CUL4A: variants seen among roughly 807,000 people sequenced by gnomAD.
CUL4A encodes the protein cullin 4A, also known as cullin-4A.
A neutral mutation model predicts 95.5 loss-of-function variants in CUL4A; 16 were observed. The observed-to-expected ratio is 0.17, with a 90% CI of 0.11 to 0.25. The LOEUF is 0.25. Ranked by LOEUF, CUL4A falls within the 10% of genes least tolerant of loss-of-function variation. The pLI is 1.00. For missense variants in CUL4A, 610 were observed against 937.0 expected, an observed-to-expected ratio of 0.65 and a Z score of 4.56; for synonymous variants, 380 against 353.1, an observed-to-expected ratio of 1.08 and a Z score of -0.85.
chr13:113,209,559 C>T (rs2040259401), upstream of CUL4A: 5 of 878,064 alleles, frequency 5.7e-6, no homozygotes, highest in East Asian at 1.4e-4. Flanking sequence ...CCGCGCGGAC[C>T]GGGGCGGGCG....
At chr13:113,242,522 G>T (rs957073037) in intron 10 of CUL4A, among the ~76,000 whole-genome samples, 1 of 152,164 alleles carries the variant, frequency 6.6e-6, no homozygotes, top group African/African-American at 2.4e-5. Context: ...AAGCACAGGG[G>T]CTCATGCCTG....
chr13:113,234,357 G>T (rs563036159), intron 7 of CUL4A, among the ~76,000 whole-genome samples: 1 of 151,960 alleles, frequency 6.6e-6, no homozygotes, highest in Non-Finnish European at 1.5e-5. Context: ...CCCAAAAAAA[G>T]CTGTGCGAAA....
At chr13:113,226,827 C>G (rs929909220) in intron 3 of CUL4A, among the ~76,000 whole-genome samples, 12 of 152,140 alleles carry the variant, frequency 7.9e-5, no homozygotes, top group African/African-American at 2.9e-4. Flanking sequence ...TCAAGACCAG[C>G]CTAGGAGTAT....
At chr13:113,233,030 T>A (rs1042722984) in intron 5 of CUL4A, 147 bp from the exon 6 acceptor site, 18 of 834,288 alleles carry the variant, frequency 2.2e-5, no homozygotes, top group Non-Finnish European at 3.1e-5. Context: ...GAAACAGAAG[T>A]TTTTAAAAGG....
At chr13:113,215,933 T>C (rs1481890921) in intron 2 of CUL4A, among the ~76,000 whole-genome samples, 1 of 150,794 alleles carries the variant, frequency 6.6e-6, no homozygotes, top group East Asian at 2.0e-4. Context: ...TGGCGGTCTC[T>C]GTGTGACTAT....
intron 2 of CUL4A, among the ~76,000 whole-genome samples, chr13:113,214,375 A>G (rs915428877): frequency 2.0e-5 from 3 of 152,180 alleles, no homozygotes; most frequent in Non-Finnish European, 2.9e-5. Context: ...TTGTGTCTCT[A>G]TGTTTTAGTC....
intron 2 of CUL4A, 34 bp downstream of exon 2, chr13:113,210,122 C>A: frequency 1.4e-6 from 2 of 1,388,560 alleles, no homozygotes; most frequent in Non-Finnish European, 1.9e-6. Flanking sequence ...GACGCCGCTC[C>A]TGCCCCGCGT....
intron 10 of CUL4A, among the ~76,000 whole-genome samples, chr13:113,242,143 C>T (rs1004230242): frequency 3.3e-5 from 5 of 152,008 alleles, no homozygotes; most frequent in Admixed American, 6.6e-5. Context: ...GGTGAAACCC[C>T]GTCTCTAGCT....
intron 4 of CUL4A, among the ~76,000 whole-genome samples, chr13:113,229,081 C>T (rs1362279830): frequency 3.9e-5 from 6 of 152,032 alleles, no homozygotes; most frequent in South Asian, 2.1e-4. Context: ...ATCACGCCAC[C>T]GCACTCCAGC....
At chr13:113,239,367 A>G (rs1412135771) in intron 9 of CUL4A, 66 bp from the exon 10 acceptor site, 1 of 1,334,822 alleles carries the variant, frequency 7.5e-7, no homozygotes, top group Non-Finnish European at 1.1e-6. Context: ...TGCACGCTGT[A>G]TTCTAGTTGA....
In CUL4A at chr13:113,232,183, ACTG is replaced by A. The variant is rs144952878; in HGVS notation, c.513-989_513-987del. On this transcript the variant is annotated intron_variant, in intron 5 of 19. Transcript: ENST00000375440. ...CCACCACTACCCGCCCACCACCATT[ACTG>A]CTGCCACCACTACCCGCCCACCACC... is the stretch of plus-strand genomic sequence containing the variant. Among the ~76,000 whole-genome samples the A allele has an allele frequency of 6.3e-3, 10 of 1,588 alleles. 1 individual carries two copies. Among genetic ancestry groups the A allele is most frequent in the Non-Finnish European group, 0.014 (2 of 148 alleles). The allele number at this position is 1,588 out of a possible 152,430, so 1.0% of individuals were successfully genotyped here. A position where few individuals can be genotyped will look rare whatever the true frequency, so the allele number is the denominator to read the frequency against.
intron 5 of CUL4A, 165 bp downstream of exon 5, chr13:113,229,684 G>T (rs2041240172): frequency 1.7e-6 from 1 of 598,574 alleles, no homozygotes; most frequent in East Asian, 2.9e-5. Flanking sequence ...GTGGGTCTTA[G>T]CCTTGAAACA....
At position 113,264,095 on chromosome 13, in the gene CUL4A, A is replaced by G. The variant is rs1428069365; in HGVS notation, c.*513A>G. ...AAGAGCCAGGGTTCAAAGCTGGCGA[A>G]TGGATGACGCACCCTAGCCACTGGC... On this transcript the variant is annotated 3_prime_UTR_variant, in exon 20 of 20. Transcript: ENST00000375440. 6.6e-6 allele frequency: 1 copy of G among 152,366 alleles called. No homozygotes were observed. Among genetic ancestry groups the G allele is most frequent in the Non-Finnish European group, 1.5e-5 (1 of 68,056 alleles). The allele number at this position is 152,366 out of a possible 1,614,324, so 9.4% of individuals were successfully genotyped here. A position where few individuals can be genotyped will look rare whatever the true frequency, so the allele number is the denominator to read the frequency against.
chr13:113,249,434 T>G (rs957608434), intron 15 of CUL4A, among the ~76,000 whole-genome samples: 1 of 152,250 alleles, frequency 6.6e-6, no homozygotes, highest in Non-Finnish European at 1.5e-5. Flanking sequence ...ACATCAGTGC[T>G]TTATTCCTTT....
At chr13:113,214,813 G>A (rs1049020853) in intron 2 of CUL4A, among the ~76,000 whole-genome samples, 3 of 152,106 alleles carry the variant, frequency 2.0e-5, no homozygotes, top group Non-Finnish European at 2.9e-5. Flanking sequence ...CAGGCCCAGC[G>A]TAGGAATGGG....
At chr13:113,254,907 T>G in intron 17 of CUL4A, 46 bp from the exon 18 acceptor site, 1 of 1,605,106 alleles carries the variant, frequency 6.2e-7, no homozygotes, top group Non-Finnish European at 8.5e-7. Context: ...TTGTTGAGTC[T>G]CATTCGTTTA....
chr13:113,243,304 A>C (rs1311031241), intron 11 of CUL4A, 144 bp downstream of exon 11: 1 of 698,854 alleles, frequency 1.4e-6, no homozygotes, highest in African/African-American at 1.8e-5. Flanking sequence ...CGTTTTTATC[A>C]AGTCTTATTA....
intron 3 of CUL4A, among the ~76,000 whole-genome samples, chr13:113,221,793 G>T (rs1231953074): frequency 6.6e-6 from 1 of 152,130 alleles, no homozygotes; most frequent in African/African-American, 2.4e-5. Context: ...GGCCAGGCTG[G>T]TCTCGAACTC....
chr13:113,208,720 C>T (rs2040164740), upstream of CUL4A: 7 of 1,508,228 alleles, frequency 4.6e-6, no homozygotes, highest in South Asian at 1.2e-5. Flanking sequence ...CCGTCTGGGT[C>T]CTGGCGCCCC....
Sources: allele counts gnomAD v4.1 joint callset (sites outside exome capture counted in the v4.1 genomes callset), GRCh38; gene constraint gnomAD v4.1.1; transcripts MANE v1.5; gene names NCBI Gene and HGNC (gene_info 2026-07-23, HGNC 2026-07-21).